NAV3: variants seen among roughly 807,000 people sequenced by gnomAD.
The protein encoded by NAV3 is neuron navigator 3.
In NAV3, 87 loss-of-function variants were observed where a neutral mutation model predicts 244.7. The observed-to-expected ratio is 0.36, with a 90% CI of 0.30 to 0.42. NAV3 has a LOEUF of 0.42. Ranked by LOEUF, NAV3 falls within the 20% of genes least tolerant of loss-of-function variation. NAV3 has a pLI of 1.00. For synonymous variants in NAV3, 1,126 were observed against 1,042.2 expected (o/e 1.08, Z -1.55); for missense variants, 2,663 against 2,893.3 (o/e 0.92, Z 1.83).
At chr12:78,151,230 C>T (rs190628951) in intron 22 of NAV3, among the ~76,000 whole-genome samples, 8 of 152,152 alleles carry the variant, frequency 5.3e-5, no homozygotes, top group South Asian at 2.1e-4. Flanking sequence ...AACTTTTGCA[C>T]GCTGATGGGA....
chr12:78,123,343 ATT>A (rs144071808), intron 16 of NAV3, among the ~76,000 whole-genome samples: 148 of 149,456 alleles, frequency 9.9e-4, no homozygotes, highest in Middle Eastern at 3.5e-3. Context: ...TGTTTTTTTT[ATT>A]TTTTTTTTAT....
At chr12:77,702,755 A>G (rs1352491981) in intron 2 of NAV3, among the ~76,000 whole-genome samples, 3 of 151,982 alleles carry the variant, frequency 2.0e-5, no homozygotes, top group Non-Finnish European at 4.4e-5. Flanking sequence ...TAGAAATTCC[A>G]CTATACAATA....
intron 12 of NAV3, among the ~76,000 whole-genome samples, chr12:78,067,791 A>G (rs546110310): frequency 1.3e-4 from 20 of 152,238 alleles, no homozygotes; most frequent in African/African-American, 4.6e-4. Flanking sequence ...TCACCTTGAC[A>G]TTAAACTTGA....
In NAV3 at chr12:78,177,029, G is replaced by T. The variant is rs547956341; in HGVS notation, c.5125-112G>T. On this transcript the variant is annotated intron_variant, in intron 26 of 39. Coordinates refer to ENST00000397909, the MANE Select transcript of NAV3 (RefSeq NM_001024383.2). ...TGCTGCAATTGTTAATACTCTGCTT[G>T]TACATACTGACCCCAGGCAGTGGCT... 8 of 975,776 alleles carry T rather than the reference G, an allele frequency of 8.2e-6. No individual in the cohort carries two copies. In the African/African-American group the frequency reaches 1.3e-4, roughly 16 times the overall value. 60.4% of individuals were successfully genotyped at this position (975,776 alleles called of 1,614,324 possible).
intron 16 of NAV3, among the ~76,000 whole-genome samples, chr12:78,123,952 T>C (rs1955794541): frequency 6.6e-6 from 1 of 152,342 alleles, no homozygotes; most frequent in African/African-American, 2.4e-5. Context: ...GAATGAATTA[T>C]ATTAAAATAG....
At chr12:78,172,809 A>T (rs551650488) in intron 24 of NAV3, among the ~76,000 whole-genome samples, 1 of 151,724 alleles carries the variant, frequency 6.6e-6, no homozygotes, top group South Asian at 2.1e-4. Context: ...TTACTGAAGG[A>T]TTGTAGGCCA....
intron 1 of NAV3, among the ~76,000 whole-genome samples, chr12:77,905,980 C>T (rs1039924810): frequency 6.6e-6 from 1 of 152,070 alleles, no homozygotes; most frequent in East Asian, 1.9e-4. Flanking sequence ...GACCTTGCTC[C>T]CTCTGGTCAC....
intron 1 of NAV3, among the ~76,000 whole-genome samples, chr12:77,906,077 G>T (rs1023505859): frequency 6.6e-6 from 1 of 152,124 alleles, no homozygotes; most frequent in Admixed American, 6.6e-5. Context: ...TGCAGGAAAG[G>T]TAGAGAGCTA....
intron 12 of NAV3, among the ~76,000 whole-genome samples, chr12:78,065,868 G>C (rs560657434): frequency 5.3e-5 from 8 of 152,272 alleles, no homozygotes; most frequent in African/African-American, 1.9e-4. Flanking sequence ...ATCTGGTACA[G>C]AGAGTGAATT....
chr12:78,113,951 A>G (rs1436664186), intron 12 of NAV3, among the ~76,000 whole-genome samples: 3 of 152,186 alleles, frequency 2.0e-5, no homozygotes, highest in African/African-American at 7.2e-5. Flanking sequence ...ACAGCACCCA[A>G]ATCATATCTT....
intron 12 of NAV3, among the ~76,000 whole-genome samples, chr12:78,115,033 A>G (rs532655058): frequency 3.3e-4 from 50 of 152,294 alleles, no homozygotes; most frequent in Non-Finnish European, 5.1e-4. Context: ...TAAATACATT[A>G]CCATTATTTT....
In NAV3 at chr12:77,812,719, C is replaced by T. The variant is rs111333950; in HGVS notation, c.73-127600C>T. On this transcript the variant is annotated intron_variant, in intron 2 of 8. Transcript: ENST00000550042. ...CTAGGATTACAAGTGAGAGCCACTG[C>T]ACCTGGTCAGGAATTTAATTTCTAA... is the stretch of plus-strand genomic sequence containing the variant. Among the ~76,000 whole-genome samples, 1,013 of 152,234 alleles carry T rather than the reference C, an allele frequency of 6.7e-3. 12 individuals are homozygous for T. The highest frequency in any genetic ancestry group is 0.021 in the African/African-American group (871 of 41,540).
rs2138520987 is a variant in NAV3, at chr12:78,116,892, G to C, written c.2757G>C (p.Arg919Ser). 6.2e-7 allele frequency: 1 copy of C among 1,611,488 alleles called. No homozygotes were observed. The highest frequency in any genetic ancestry group is 1.1e-5 in the South Asian group (1 of 90,768). Residue 919 changes from arginine (R) to serine (S), a missense_variant, in exon 13 of 40, where the codon AGG (arginine) becomes AGC (serine). Physicochemically the swap from Arg to Ser is moderately radical, Grantham distance 110. Transcript: ENST00000397909. ...ACTCCAACATCACCGTCCCCTCTAG[G>C]AAGAATACTCAGGTGAGAATTACCA... ...SSYSNITVPSRKNTQLRTDSE... is the reference protein window; with the variant it reads ...SSYSNITVPSSKNTQLRTDSE...
intron 22 of NAV3, among the ~76,000 whole-genome samples, chr12:78,149,521 T>C (rs538693198): frequency 1.3e-5 from 2 of 152,122 alleles, no homozygotes; most frequent in Non-Finnish European, 2.9e-5. Flanking sequence ...TAACATTTAC[T>C]GAATATCTTC....
chr12:77,989,267 T>C (rs1405563117), intron 5 of NAV3, among the ~76,000 whole-genome samples: 1 of 152,086 alleles, frequency 6.6e-6, no homozygotes, highest in African/African-American at 2.4e-5. Context: ...TAGAAGGACA[T>C]AAAAACGGGA....
chr12:78,211,213 G>C lies in NAV3; in HGVS notation c.*696G>C, dbSNP rs1001772198. 2.6e-5 allele frequency: 4 copies of C among 152,566 alleles called. No individual in the cohort carries two copies. The highest frequency in any genetic ancestry group is 4.8e-5 in the African/African-American group (2 of 41,434). The allele number at this position is 152,566 out of a possible 1,614,324, so 9.5% of individuals were successfully genotyped here. ...CCACAGTGGTCTTTTTAAACCACCTGCCCACTCCCTTAACAAGAGTTTTAT... is the reference window on the plus strand; with the variant it reads ...CCACAGTGGTCTTTTTAAACCACCTCCCCACTCCCTTAACAAGAGTTTTAT... On this transcript the variant is annotated 3_prime_UTR_variant, in exon 40 of 40. Transcript: ENST00000397909.
intron 2 of NAV3, among the ~76,000 whole-genome samples, chr12:77,579,581 C>T (rs1324109947): frequency 1.3e-5 from 2 of 152,210 alleles, no homozygotes; most frequent in East Asian, 1.9e-4. Context: ...GCCCTCAGTA[C>T]ATAATTACCT....
intron 5 of NAV3, among the ~76,000 whole-genome samples, chr12:77,970,866 A>T (rs1397697619): frequency 2.0e-5 from 3 of 152,138 alleles, no homozygotes; most frequent in Non-Finnish European, 4.4e-5. Context: ...CAATTTAAAT[A>T]AAGAAGACAC....
intron 2 of NAV3, among the ~76,000 whole-genome samples, chr12:77,823,560 A>G (rs1520733): frequency 0.45 from 68,529 of 152,148 alleles, 15,938 homozygotes; most frequent in African/African-American, 0.57. Flanking sequence ...TTCTTTACAA[A>G]TGGTGCAAAA....
Sources: gnomAD v4.1 joint callset for allele counts (sites outside exome capture counted in the v4.1 genomes callset) on GRCh38, gnomAD v4.1.1 for gene constraint, MANE v1.5 for transcripts, NCBI Gene and HGNC (gene_info 2026-07-23, HGNC 2026-07-21) for gene names.